UBE4B: variants seen among roughly 807,000 people sequenced by gnomAD.
The protein encoded by UBE4B is ubiquitination factor E4B.
UBE4B carries 27 observed loss-of-function variants against 148.1 expected under a neutral mutation model. The ratio of observed to expected loss-of-function variants is 0.18; its 90% CI spans 0.13 to 0.25. UBE4B has a LOEUF of 0.25. Ranked by LOEUF, UBE4B falls within the 10% of genes least tolerant of loss-of-function variation. The pLI is 1.00. For missense variants in UBE4B, 1,170 were observed against 1,662.4 expected (o/e 0.70, Z 5.15); for synonymous variants, 596 against 619.3 (o/e 0.96, Z 0.56).
chr1:10,106,292 A>T lies in UBE4B; in HGVS notation c.905A>T (p.Gln302Leu), dbSNP rs1645107194. ...GCCTCACCTTCCCGTGCAGCCAGCCAGTTGGCTGTGCCTTCCACTCCCCTC... is the reference window on the plus strand; with the variant it reads ...GCCTCACCTTCCCGTGCAGCCAGCCTGTTGGCTGTGCCTTCCACTCCCCTC... ...SLASPSRAAS[Q>L]LAVPSTPLSP... Residue 302 changes from glutamine (Q) to leucine (L), a missense_variant, in exon 7 of 28, where the codon CAG becomes CTG. Around this residue, in one of 6 missense-constraint regions of UBE4B, gnomAD observed 214 missense variants for 209.1 expected, o/e 1.02. Transcript: ENST00000343090. The surrounding 1 kb of genome is among the most constrained non-coding windows in gnomAD (Gnocchi z 4.2). The T allele has an allele frequency of 6.2e-7, 1 of 1,614,128 alleles. No homozygotes were observed. The highest frequency in any genetic ancestry group is 8.5e-7 in the Non-Finnish European group (1 of 1,180,010).
chr1:10,050,448 G>A (rs1644012254), intron 1 of UBE4B, among the ~76,000 whole-genome samples: 1 of 152,230 alleles, frequency 6.6e-6, no homozygotes, highest in African/African-American at 2.4e-5. Context: ...CTAAGGGTCT[G>A]CAGCAGCTGA....
intron 18 of UBE4B, 34 bp from the exon 19 acceptor site, chr1:10,146,929 T>C: frequency 1.9e-6 from 3 of 1,610,722 alleles, no homozygotes; most frequent in Non-Finnish European, 2.5e-6. Flanking sequence ...AGCTACTGAC[T>C]GATCTTTGGG....
chr1:10,153,145 A>G (rs1646005389), intron 21 of UBE4B, among the ~76,000 whole-genome samples: 1 of 151,990 alleles, frequency 6.6e-6, no homozygotes, highest in African/African-American at 2.4e-5. Flanking sequence ...TGGCAACCCT[A>G]GAGAGGGCGG....
intron 10 of UBE4B, among the ~76,000 whole-genome samples, chr1:10,123,553 G>A (rs1223770667): frequency 6.6e-6 from 1 of 151,698 alleles, no homozygotes; most frequent in Non-Finnish European, 1.5e-5. Context: ...TTGAGGAATC[G>A]AGTAGTTCTC....
intron 1 of UBE4B, among the ~76,000 whole-genome samples, chr1:10,047,696 G>A (rs1037835018): frequency 6.6e-6 from 1 of 151,830 alleles, no homozygotes; most frequent in Non-Finnish European, 1.5e-5. Context: ...GTTTCACCAC[G>A]TTAGCTAGGA....
At position 10,180,552 on chromosome 1, in the gene UBE4B, TTTAA is replaced by T. The variant is rs1484166778; in HGVS notation, c.*599_*602del. On this transcript the variant is annotated 3_prime_UTR_variant, in exon 28 of 28. Transcript: ENST00000343090. Reference sequence around the variant, plus strand: ...TATATCATATTCACATATTTGTTTTTTTAATTGGTGTTAGATGACATGATTAATA... The same window carrying T: ...TATATCATATTCACATATTTGTTTTTTTGGTGTTAGATGACATGATTAATA... The T allele has an allele frequency of 6.6e-6, 1 of 152,654 alleles. No individual in the cohort carries two copies. The highest frequency in any genetic ancestry group is 2.4e-5 in the African/African-American group (1 of 41,432). The allele number at this position is 152,654 out of a possible 1,614,324, so 9.5% of individuals were successfully genotyped here.
intron 3 of UBE4B, among the ~76,000 whole-genome samples, chr1:10,099,964 T>G (rs1044325530): frequency 6.6e-6 from 1 of 152,126 alleles, no homozygotes; most frequent in Non-Finnish European, 1.5e-5. Context: ...GTTGAGTTTT[T>G]TATTTTCTTA....
Position 10,101,093 on chromosome 1 carries a change from C to T in UBE4B, c.348-15C>T, listed in dbSNP as rs1373740402. On this transcript the variant is annotated splice_polypyrimidine_tract_variant and intron_variant, in intron 3 of 27. Transcript: ENST00000343090. ...TATAAAAGGTAAAAGGCTTGTTTGT[C>T]TTTTGTACTTTAAGCATGTCCCAGG... is the stretch of plus-strand genomic sequence containing the variant. The T allele has an allele frequency of 1.9e-6, 3 of 1,612,840 alleles. No homozygotes were observed. The highest frequency in any genetic ancestry group is 1.1e-5 in the South Asian group (1 of 91,038).
At chr1:10,064,381 G>A (rs1301759314) in intron 1 of UBE4B, among the ~76,000 whole-genome samples, 1 of 152,192 alleles carries the variant, frequency 6.6e-6, no homozygotes, top group Non-Finnish European at 1.5e-5. Flanking sequence ...GCAAACTGCT[G>A]ATCGCATCTC....
At chr1:10,101,256 A>G (rs1645005573) in intron 4 of UBE4B, 61 bp downstream of exon 4, 1 of 1,541,596 alleles carries the variant, frequency 6.5e-7, no homozygotes, top group Non-Finnish European at 8.9e-7. Context: ...CATGTCTTGT[A>G]TCTGTAGAGT....
Position 10,100,967 on chromosome 1 carries a change from TTAA to T in UBE4B, c.348-137_348-135del, listed in dbSNP as rs1273900108. 6.4e-5 allele frequency: 44 copies of T among 682,412 alleles called. No individual in the cohort carries two copies. The African/African-American group carries it at 7.8e-4, about 12-fold the overall frequency. 42.3% of individuals were successfully genotyped at this position (682,412 alleles called of 1,614,324 possible). On this transcript the variant is annotated intron_variant, in intron 3 of 27. Transcript: ENST00000343090. ...CTAATTTATGAAGAACTCTTAAAAA[TTAA>T]TAAGAAAAAAGATGGACCATTATCA...
chr1:10,038,341 G>A (rs2101766031), intron 1 of UBE4B, among the ~76,000 whole-genome samples: 1 of 151,950 alleles, frequency 6.6e-6, no homozygotes, highest in South Asian at 2.1e-4. Context: ...TGCAGAATAT[G>A]TGACCTTGGA....
chr1:10,124,193 T>C (rs916426309), intron 10 of UBE4B, among the ~76,000 whole-genome samples: 1 of 151,922 alleles, frequency 6.6e-6, no homozygotes, highest in Non-Finnish European at 1.5e-5. Flanking sequence ...GGTGAGTCTC[T>C]CTCTGTTACC....
chr1:10,171,028 C>A, intron 24 of UBE4B, 110 bp from the exon 25 acceptor site: 1 of 1,167,156 alleles, frequency 8.6e-7, no homozygotes. Flanking sequence ...TGTAAGGATT[C>A]TTTGAAGATT....
intron 1 of UBE4B, among the ~76,000 whole-genome samples, chr1:10,044,825 C>A (rs1428458997): frequency 6.6e-6 from 1 of 151,836 alleles, no homozygotes; most frequent in Non-Finnish European, 1.5e-5. Flanking sequence ...TCAAGCAGTC[C>A]ACCCACCTCA....
At chr1:10,121,134 G>A (rs998446659) in intron 9 of UBE4B, among the ~76,000 whole-genome samples, 4 of 151,870 alleles carry the variant, frequency 2.6e-5, no homozygotes, top group African/African-American at 4.8e-5. Context: ...GGAGGCCAAG[G>A]CAGGTGGATC....
intron 10 of UBE4B, among the ~76,000 whole-genome samples, chr1:10,126,419 G>T (rs1645499073): frequency 6.6e-6 from 1 of 152,204 alleles, no homozygotes; most frequent in South Asian, 2.1e-4. Context: ...TGGTAATCAA[G>T]AACATATTAG....
At chr1:10,134,801 G>A (rs1645650848) in intron 15 of UBE4B, among the ~76,000 whole-genome samples, 187 bp from the exon 16 acceptor site, 1 of 152,014 alleles carries the variant, frequency 6.6e-6, no homozygotes, top group Non-Finnish European at 1.5e-5. Flanking sequence ...GGAAGCTGAG[G>A]TGGGCGGATC....
chr1:10,114,027 T>C (rs937005185), intron 7 of UBE4B, among the ~76,000 whole-genome samples: 3 of 136,000 alleles, frequency 2.2e-5, no homozygotes, highest in African/African-American at 5.7e-5. Flanking sequence ...ATTGTGCCAC[T>C]GCACTCCAGC....
Sources: gnomAD v4.1 joint callset for allele counts (sites outside exome capture counted in the v4.1 genomes callset) on GRCh38, gnomAD v4.1.1 for gene constraint, gnomAD v4.1.1 regional missense constraint, Gnocchi (gnomAD v3.1) non-coding constraint, MANE v1.5 for transcripts, NCBI Gene and HGNC (gene_info 2026-07-23, HGNC 2026-07-21) for gene names.